KHDRBS2: variants seen among roughly 807,000 people sequenced by gnomAD.
KHDRBS2 encodes the protein KH RNA binding domain containing, signal transduction associated 2.
A neutral mutation model predicts 44.3 loss-of-function variants in KHDRBS2; 26 were observed. The observed-to-expected ratio is 0.59, with a 90% CI of 0.43 to 0.81. The LOEUF (loss-of-function observed/expected upper bound fraction) is 0.81, where lower values mean the gene tolerates loss of function less well. Ranked by LOEUF, KHDRBS2 falls within the 40% of genes least tolerant of loss-of-function variation. KHDRBS2 has a pLI of 0.00. For missense variants in KHDRBS2, 476 were observed against 433.1 expected (o/e 1.10, Z -0.88); for synonymous variants, 194 against 151.1 (o/e 1.28, Z -2.08).
At position 62,219,175 on chromosome 6, in the gene KHDRBS2, G is replaced by T. The variant is rs947187024; in HGVS notation, c.92-41863C>A. Reference sequence around the variant, plus strand: ...TTTATACAAATAAAAAACTAAATAGGCAGATTTAACTGCAGATGAAACACA... The same window carrying T: ...TTTATACAAATAAAAAACTAAATAGTCAGATTTAACTGCAGATGAAACACA... On this transcript the variant is annotated intron_variant, in intron 1 of 8. Transcript: ENST00000281156. 4.1e-5 allele frequency among the ~76,000 whole-genome samples: 6 copies of T among 147,970 alleles called. 1 individual carries two copies. The highest frequency in any genetic ancestry group is 9.7e-5 in the African/African-American group (4 of 41,056).
At chr6:62,188,817 G>A (rs1162666219) in intron 1 of KHDRBS2, among the ~76,000 whole-genome samples, 1 of 152,118 alleles carries the variant, frequency 6.6e-6, no homozygotes, top group African/African-American at 2.4e-5. Context: ...CTTTCTCTTA[G>A]AAAACGTGTC....
intron 4 of KHDRBS2, among the ~76,000 whole-genome samples, chr6:61,925,382 C>T (rs16900658): frequency 0.07 from 10,604 of 152,188 alleles, 432 homozygotes; most frequent in Middle Eastern, 0.14. Context: ...GGATCTCTCA[C>T]AGTTCCAAAG....
chr6:61,893,041 C>CA (rs1802251202), intron 6 of KHDRBS2, among the ~76,000 whole-genome samples: 1 of 152,002 alleles, frequency 6.6e-6, no homozygotes, highest in Non-Finnish European at 1.5e-5. Context: ...ACAATGAACT[C>CA]CAACAAATTT....
At chr6:61,609,670 A>G in the KHDRBS2 span, among the ~76,000 whole-genome samples, 1 of 152,234 alleles carries the variant, frequency 6.6e-6, no homozygotes, top group Admixed American at 6.5e-5. Context: ...CAATGGAACT[A>G]GAAAAGGGTT....
chr6:62,087,623 CA>C (rs1798647573), intron 2 of KHDRBS2, among the ~76,000 whole-genome samples: 1 of 152,100 alleles, frequency 6.6e-6, no homozygotes, highest in Admixed American at 6.6e-5. Flanking sequence ...TTGCCCTTAA[CA>C]TTTTTTCCTT....
At chr6:62,097,699 A>T (rs575709691) in intron 2 of KHDRBS2, among the ~76,000 whole-genome samples, 18 of 152,178 alleles carry the variant, frequency 1.2e-4, no homozygotes, top group African/African-American at 4.3e-4. Context: ...TAATTGGGAA[A>T]TTTAATACAT....
chr6:61,842,805 G>C (rs989275956), intron 6 of KHDRBS2, among the ~76,000 whole-genome samples: 2 of 152,038 alleles, frequency 1.3e-5, no homozygotes, highest in African/African-American at 4.8e-5. Flanking sequence ...CAGCCAAAAA[G>C]TGAAAATAAC....
intron 4 of KHDRBS2, among the ~76,000 whole-genome samples, chr6:61,947,937 T>G (rs1763925968): frequency 6.8e-6 from 1 of 147,220 alleles, no homozygotes; most frequent in Admixed American, 6.8e-5. Flanking sequence ...ATAATAATAA[T>G]AATAATAATA....
At chr6:61,916,424 CAT>C (rs141844408) in intron 4 of KHDRBS2, among the ~76,000 whole-genome samples, 9,790 of 151,570 alleles carry the variant, frequency 0.065, 393 homozygotes, top group Middle Eastern at 0.13. Context: ...TATATTTATA[CAT>C]ATATATATAT....
chr6:62,138,535 A>AT (rs2150095967), intron 2 of KHDRBS2, among the ~76,000 whole-genome samples: 1 of 152,336 alleles, frequency 6.6e-6, no homozygotes, highest in East Asian at 1.9e-4. Flanking sequence ...TCAAAGTCTG[A>AT]TTTTAAAAAG....
the KHDRBS2 span, among the ~76,000 whole-genome samples, chr6:61,631,880 G>A: frequency 1.3e-5 from 2 of 152,102 alleles, no homozygotes; most frequent in East Asian, 3.9e-4. Flanking sequence ...ATCAAAACTA[G>A]AGGAGAGAAG....
At chr6:61,957,812 A>G (rs1036137720) in intron 4 of KHDRBS2, among the ~76,000 whole-genome samples, 8 of 152,060 alleles carry the variant, frequency 5.3e-5, no homozygotes, top group African/African-American at 1.9e-4. Flanking sequence ...CCCTATTCAT[A>G]CACTCCCTCC....
chr6:61,594,427 C>A, the KHDRBS2 span, among the ~76,000 whole-genome samples: 101 of 152,064 alleles, frequency 6.6e-4, no homozygotes, highest in African/African-American at 2.4e-3. Context: ...TTTCAGGGTA[C>A]TTTTTGTAGT....
chr6:62,194,315 G>C (rs956230099), intron 1 of KHDRBS2, among the ~76,000 whole-genome samples: 4 of 151,368 alleles, frequency 2.6e-5, no homozygotes, highest in African/African-American at 9.7e-5. Context: ...ACCACTTGTT[G>C]AAATGACTAT....
At chr6:61,895,102 T>C (rs1459097243) in intron 5 of KHDRBS2, among the ~76,000 whole-genome samples, 1 of 147,210 alleles carries the variant, frequency 6.8e-6, no homozygotes, top group Non-Finnish European at 1.5e-5. Flanking sequence ...GTCTTTTATA[T>C]AACTAAAAAC....
At chr6:61,775,319 G>T (rs1781766889) in intron 6 of KHDRBS2, among the ~76,000 whole-genome samples, 1 of 152,006 alleles carries the variant, frequency 6.6e-6, no homozygotes, top group African/African-American at 2.4e-5. Flanking sequence ...AGGAAATAAA[G>T]GGTATTCAAT....
At chr6:62,093,835 G>T (rs1584652608) in intron 2 of KHDRBS2, among the ~76,000 whole-genome samples, 1 of 147,284 alleles carries the variant, frequency 6.8e-6, no homozygotes. Context: ...TCTTTGTTAT[G>T]GTGAATAGTA....
intron 3 of KHDRBS2, among the ~76,000 whole-genome samples, chr6:62,037,353 G>T (rs1332243476): frequency 6.6e-6 from 1 of 151,520 alleles, no homozygotes. Context: ...TGACGGTGTT[G>T]CTGAGAAAAC....
intron 6 of KHDRBS2, among the ~76,000 whole-genome samples, chr6:61,851,558 A>G (rs1462421390): frequency 6.6e-6 from 1 of 152,156 alleles, no homozygotes; most frequent in Non-Finnish European, 1.5e-5. Context: ...GACACAGACA[A>G]TACATAGACT....
Sources: gnomAD v4.1 joint callset for allele counts (sites outside exome capture counted in the v4.1 genomes callset) on GRCh38, gnomAD v4.1.1 for gene constraint, MANE v1.5 for transcripts, NCBI Gene and HGNC (gene_info 2026-07-23, HGNC 2026-07-21) for gene names.